PTPRQ: variants seen among roughly 807,000 people sequenced by gnomAD.
The protein encoded by PTPRQ is protein tyrosine phosphatase receptor type Q, also known as phosphatidylinositol phosphatase PTPRQ.
PTPRQ carries 199 observed loss-of-function variants against 246.0 expected under a neutral mutation model. The observed-to-expected ratio is 0.81, with a 90% confidence interval of 0.72 to 0.91. PTPRQ has a LOEUF of 0.91. Among genes scored for constraint, PTPRQ ranks in the 40% least tolerant of loss-of-function variants. The pLI is 0.00. For synonymous variants in PTPRQ, 869 were observed against 853.2 expected (o/e 1.02, Z -0.32); for missense variants, 2,624 against 2,528.4 (o/e 1.04, Z -0.81).
chr12:80,616,175 A>G, intron 29 of PTPRQ, 25 bp from the exon 30 acceptor site: 1 of 1,446,238 alleles, frequency 6.9e-7, no homozygotes, highest in Non-Finnish European at 9.1e-7. Context: ...ACTTGAAAAT[A>G]GTAACAAATA....
chr12:80,618,254 A>T (rs570711814), intron 30 of PTPRQ, among the ~76,000 whole-genome samples: 23 of 151,428 alleles, frequency 1.5e-4, no homozygotes, highest in Admixed American at 1.3e-3. Context: ...AATAAAAACA[A>T]TGTTGATAAT....
chr12:80,657,978 C>T lies in PTPRQ; in HGVS notation c.6116-7C>T. On this transcript the variant is annotated splice_polypyrimidine_tract_variant and splice_region_variant and intron_variant, in intron 38 of 44. Transcript: ENST00000644991. ...AATTAACATTGATTCCTTATATTTT[C>T]TTCTAGATAATAATAACAGAGTAAA... 3 of 1,404,034 alleles carry T rather than the reference C, an allele frequency of 2.1e-6. No individual in the cohort carries two copies. The allele number at this position is 1,404,034 out of a possible 1,614,324, so 87.0% of individuals were successfully genotyped here.
At chr12:80,460,435 G>A (rs10862122) in intron 5 of PTPRQ, among the ~76,000 whole-genome samples, 59,252 of 151,934 alleles carry the variant, frequency 0.39, 13,233 homozygotes, top group African/African-American at 0.61. Flanking sequence ...AATTCTATTC[G>A]TAAAGGTTAA....
intron 39 of PTPRQ, among the ~76,000 whole-genome samples, chr12:80,664,121 G>T (rs1316211206): frequency 6.6e-6 from 1 of 151,880 alleles, no homozygotes; most frequent in Admixed American, 6.6e-5. Context: ...GTGTATTGGA[G>T]AAAAATTCAT....
intron 35 of PTPRQ, among the ~76,000 whole-genome samples, chr12:80,637,181 T>C (rs1263877854): frequency 1.6e-5 from 2 of 121,246 alleles, no homozygotes; most frequent in African/African-American, 6.2e-5. Flanking sequence ...AGACTCCATG[T>C]CAAACAAAAA....
chr12:80,541,705 CTCT>C lies in PTPRQ; in HGVS notation c.3307_3309del (p.Leu1103del). 1 of 1,551,298 alleles carries C rather than the reference CTCT, an allele frequency of 6.4e-7. No homozygotes were observed. Among genetic ancestry groups the C allele is most frequent in the Non-Finnish European group, 8.7e-7 (1 of 1,146,730 alleles). ...CAGACTCCTCGCCATGTGAGACCAC[CTCT>C]TGTTACATATGAGAGAAGCATATAT... On this transcript the variant is annotated inframe_deletion, in exon 21 of 45. Transcript: ENST00000644991.
At chr12:80,622,187 A>G (rs993145514) in intron 33 of PTPRQ, 53 bp downstream of exon 33, 3 of 1,238,132 alleles carry the variant, frequency 2.4e-6, no homozygotes, top group Admixed American at 3.8e-5. Flanking sequence ...TCAAAGTTGG[A>G]ACATTTATTA....
At chr12:80,496,991 G>C (rs953652758) in intron 14 of PTPRQ, among the ~76,000 whole-genome samples, 1 of 151,882 alleles carries the variant, frequency 6.6e-6, no homozygotes, top group African/African-American at 2.4e-5. Flanking sequence ...ATCTTAATGA[G>C]GAGGTTGGAA....
intron 25 of PTPRQ, among the ~76,000 whole-genome samples, chr12:80,578,103 G>T (rs541912770): frequency 1.3e-5 from 2 of 151,340 alleles, no homozygotes; most frequent in African/African-American, 4.9e-5. Flanking sequence ...AAGTTTTAGG[G>T]TACATGTGCA....
intron 6 of PTPRQ, among the ~76,000 whole-genome samples, chr12:80,465,891 C>A (rs1338045052): frequency 1.3e-5 from 2 of 152,120 alleles, no homozygotes; most frequent in African/African-American, 4.8e-5. Context: ...AAACCCACAG[C>A]CAATATCATA....
At chr12:80,598,066 A>G (rs1018995764) in intron 26 of PTPRQ, among the ~76,000 whole-genome samples, 53 of 152,054 alleles carry the variant, frequency 3.5e-4, no homozygotes, top group African/African-American at 1.2e-3. Flanking sequence ...TAGTCAGGAA[A>G]TAACTCATTT....
At position 80,679,126 on chromosome 12, in the gene PTPRQ, T is replaced by A; in HGVS notation, c.*103T>A. Reference sequence around the variant, plus strand: ...TGAAATGTGCAACCTTAAAGAAATATCTATGCTTCTCTCACTGTGCCTTTC... The same window carrying A: ...TGAAATGTGCAACCTTAAAGAAATAACTATGCTTCTCTCACTGTGCCTTTC... On this transcript the variant is annotated 3_prime_UTR_variant, in exon 45 of 45. Transcript: ENST00000644991. 7.3e-7 allele frequency: 1 copy of A among 1,367,028 alleles called. No individual in the cohort carries two copies. Among genetic ancestry groups the A allele is most frequent in the Non-Finnish European group, 9.7e-7 (1 of 1,029,592 alleles). The allele number at this position is 1,367,028 out of a possible 1,614,324, so 84.7% of individuals were successfully genotyped here. A position where few individuals can be genotyped will look rare whatever the true frequency, so the allele number is the denominator to read the frequency against.
intron 27 of PTPRQ, among the ~76,000 whole-genome samples, chr12:80,610,204 G>A (rs1171653820): frequency 1.3e-5 from 2 of 150,260 alleles, no homozygotes; most frequent in Non-Finnish European, 3.0e-5. Context: ...TTAATGGGTT[G>A]GTTAATCACG....
intron 25 of PTPRQ, among the ~76,000 whole-genome samples, chr12:80,566,060 A>G (rs1896968926): frequency 6.6e-6 from 1 of 152,216 alleles, no homozygotes; most frequent in Non-Finnish European, 1.5e-5. Flanking sequence ...CATTGCTTCT[A>G]TGTCTAGATA....
intron 27 of PTPRQ, among the ~76,000 whole-genome samples, chr12:80,608,045 G>A (rs368506675): frequency 6.6e-6 from 1 of 150,732 alleles, no homozygotes; most frequent in South Asian, 2.1e-4. Context: ...GGGAGGAATA[G>A]AAGATAAAGG....
At position 80,521,735 on chromosome 12, in the gene PTPRQ, T is replaced by C. The variant is rs557045645; in HGVS notation, c.2678+11292T>C. Among the ~76,000 whole-genome samples, 15 of 152,326 alleles carry C rather than the reference T, an allele frequency of 9.8e-5. 1 individual carries two copies. In the South Asian group the frequency reaches 3.1e-3, roughly 32 times the overall value. On this transcript the variant is annotated intron_variant, in intron 17 of 44. Transcript: ENST00000644991. ...CCATTGATCTATATCTCTGTTTTGG[T>C]ACCAGTACCATGCTGTTTTGGTTAC...
intron 17 of PTPRQ, among the ~76,000 whole-genome samples, chr12:80,532,402 G>T (rs1895870088): frequency 6.6e-6 from 1 of 151,606 alleles, no homozygotes; most frequent in Non-Finnish European, 1.5e-5. Context: ...TTTATTTTTA[G>T]TGGAGACAGG....
intron 29 of PTPRQ, among the ~76,000 whole-genome samples, chr12:80,615,181 C>T (rs899950047): frequency 2.0e-5 from 3 of 150,788 alleles, no homozygotes; most frequent in African/African-American, 4.9e-5. Context: ...CTATAACATA[C>T]GTTTTTTATT....
chr12:80,547,175 C>T (rs185751702), intron 24 of PTPRQ: 78 of 154,386 alleles, frequency 5.1e-4, no homozygotes, highest in Non-Finnish European at 9.3e-4. Flanking sequence ...TACCATGTGG[C>T]GGACACTGAA....
Sources: allele counts gnomAD v4.1 joint callset (sites outside exome capture counted in the v4.1 genomes callset), GRCh38; gene constraint gnomAD v4.1.1; transcripts MANE v1.5; gene names NCBI Gene and HGNC (gene_info 2026-07-23, HGNC 2026-07-21).